The following ATE1 variants were observed in gnomAD, a reference collection of about 807,000 sequenced individuals.
The protein encoded by ATE1 is arginyltransferase 1.
Under a neutral mutation model 70.5 loss-of-function variants are expected in ATE1, and 36 were observed. The observed-to-expected ratio is 0.51, with a 90% CI of 0.39 to 0.67. The LOEUF is 0.67. Among genes scored for constraint, ATE1 ranks in the 30% least tolerant of loss-of-function variants. The probability of loss-of-function intolerance (pLI) is 0.00; values close to 1 mark genes in which losing one functional copy is unlikely to be tolerated. For missense variants in ATE1, 593 were observed against 629.5 expected, an observed-to-expected ratio of 0.94 and a Z score of 0.62; for synonymous variants, 232 against 219.3, an observed-to-expected ratio of 1.06 and a Z score of -0.51.
In ATE1 at chr10:121,886,144, C is replaced by T. The variant is rs1438452106; in HGVS notation, c.942+13722G>A. Reference sequence around the variant, plus strand: ...AGATTTTCACATAAGTGATACTCAACCTGTAGCACCAGCAGGTTCTCAGGT... The same window carrying T: ...AGATTTTCACATAAGTGATACTCAATCTGTAGCACCAGCAGGTTCTCAGGT... On this transcript the variant is annotated intron_variant, in intron 7 of 11. Transcript: ENST00000224652. Among the ~76,000 whole-genome samples the T allele has an allele frequency of 2.6e-5, 4 of 152,180 alleles. No homozygotes were observed. The East Asian group carries it at 7.7e-4, about 29-fold the overall frequency.
intron 9 of ATE1, among the ~76,000 whole-genome samples, chr10:121,837,409 G>A (rs2133757117): frequency 6.6e-6 from 1 of 152,278 alleles, no homozygotes; most frequent in East Asian, 1.9e-4. Context: ...GAAGTTGTCA[G>A]TCTCTCCACT....
At chr10:121,859,602 C>T (rs769079071) in intron 8 of ATE1, among the ~76,000 whole-genome samples, 12 of 152,028 alleles carry the variant, frequency 7.9e-5, no homozygotes, top group Non-Finnish European at 1.6e-4. Flanking sequence ...ATATTAAGGG[C>T]AAAAGTAAGA....
intron 3 of ATE1, among the ~76,000 whole-genome samples, chr10:121,920,880 G>A (rs1023825578): frequency 2.0e-4 from 30 of 151,962 alleles, no homozygotes; most frequent in Non-Finnish European, 3.7e-4. Context: ...TGTAATCCCA[G>A]CTACTCGGGA....
intron 8 of ATE1, among the ~76,000 whole-genome samples, chr10:121,858,772 A>G (rs1263394835): frequency 6.6e-6 from 1 of 150,784 alleles, no homozygotes; most frequent in Non-Finnish European, 1.5e-5. Flanking sequence ...CATCTTTGCC[A>G]CTTTAAAATG....
At chr10:121,875,649 T>C (rs932765726) in intron 7 of ATE1, among the ~76,000 whole-genome samples, 1 of 152,124 alleles carries the variant, frequency 6.6e-6, no homozygotes. Flanking sequence ...CCAAACCACC[T>C]TCCCCAGGTG....
At chr10:121,848,967 T>C (rs1186109566) in intron 8 of ATE1, among the ~76,000 whole-genome samples, 1 of 149,134 alleles carries the variant, frequency 6.7e-6, no homozygotes, top group African/African-American at 2.5e-5. Context: ...TCCCAGCACT[T>C]TGGGAGGCCG....
chr10:121,898,911 G>A, intron 7 of ATE1: 1 of 1,613,962 alleles, frequency 6.2e-7, no homozygotes, highest in Non-Finnish European at 8.5e-7. Context: ...CAAAGAAAAG[G>A]ACTGGCTGAA....
chr10:121,790,192 C>T lies in ATE1; in HGVS notation c.1355G>A (p.Arg452His), dbSNP rs1225196631. The T allele has an allele frequency of 1.2e-6, 2 of 1,613,874 alleles. No individual in the cohort carries two copies. Among genetic ancestry groups the T allele is most frequent in the East Asian group, 2.2e-5 (1 of 44,892 alleles). Residue 452 changes from arginine to histidine, a missense_variant, in exon 11 of 12, where the codon CGT becomes CAT. Physicochemically the swap from Arg to His is conservative, Grantham distance 29. This residue lies in a region of ATE1 where 90 missense variants were observed against 93.7 expected (regional missense o/e 0.96). Coordinates refer to ENST00000224652, the MANE Select transcript of ATE1 (RefSeq NM_001001976.3). ...ACCTGCTTCTGGGTCCTGGTTGAAA[C>T]GGCAGTACTTGGAGTTTTCAAGTGA... ...LPSLENSKYC[R>H]FNQDPEAVDE...
chr10:121,827,379 C>T (rs895292446), intron 10 of ATE1, among the ~76,000 whole-genome samples: 6 of 152,030 alleles, frequency 3.9e-5, no homozygotes, highest in East Asian at 1.9e-4. Context: ...TGCTGATGGC[C>T]CGCAATTCCT....
intron 8 of ATE1, among the ~76,000 whole-genome samples, chr10:121,848,056 G>C (rs1002979292): frequency 2.6e-5 from 4 of 152,038 alleles, no homozygotes; most frequent in African/African-American, 9.7e-5. Context: ...GGGCGACAGA[G>C]CAAGACTCCA....
chr10:121,806,069 CCAGA>C lies in ATE1; in HGVS notation c.1258-15784_1258-15781del, dbSNP rs1214311554. On this transcript the variant is annotated intron_variant, in intron 10 of 11. Transcript: ENST00000224652. ...ACTTAATAAAATTATAAAGAAACAACCAGACAAATTCAAATTACAGGAGACTAAA... is the reference window on the plus strand; with the variant it reads ...ACTTAATAAAATTATAAAGAAACAACCAAATTCAAATTACAGGAGACTAAA... Among the ~76,000 whole-genome samples the C allele has an allele frequency of 9.9e-5, 15 of 152,228 alleles. No homozygotes were observed. The East Asian group carries it at 2.7e-3, about 27-fold the overall frequency.
intron 10 of ATE1, among the ~76,000 whole-genome samples, chr10:121,831,945 A>G (rs1184663009): frequency 3.9e-5 from 6 of 152,200 alleles, no homozygotes; most frequent in Non-Finnish European, 8.8e-5. Context: ...ATCTATAGTG[A>G]CCATAAATTA....
chr10:121,762,310 C>T (rs1433690104), intron 11 of ATE1, among the ~76,000 whole-genome samples: 1 of 152,226 alleles, frequency 6.6e-6, no homozygotes, highest in African/African-American at 2.4e-5. Context: ...TTGCTCTACA[C>T]TTTCTCCCTA....
At chr10:121,761,216 T>A (rs1196450742) in intron 11 of ATE1, among the ~76,000 whole-genome samples, 1 of 152,186 alleles carries the variant, frequency 6.6e-6, no homozygotes, top group Non-Finnish European at 1.5e-5. Context: ...CCAAGCTTCA[T>A]GCACACCCTG....
intron 11 of ATE1, among the ~76,000 whole-genome samples, chr10:121,770,952 C>T (rs1008444969): frequency 1.4e-4 from 22 of 152,058 alleles, no homozygotes; most frequent in Admixed American, 1.2e-3. Context: ...CATGAGCGAA[C>T]GAAACCAAGG....
At chr10:121,882,094 C>A (rs748887522) in intron 7 of ATE1, among the ~76,000 whole-genome samples, 11 of 152,154 alleles carry the variant, frequency 7.2e-5, no homozygotes, top group Middle Eastern at 3.4e-3. Flanking sequence ...CCGTGCCCGG[C>A]CTACAGGTTT....
chr10:121,913,581 T>C (rs539499916), intron 4 of ATE1, among the ~76,000 whole-genome samples: 232 of 138,218 alleles, frequency 1.7e-3, no homozygotes, highest in Middle Eastern at 4.0e-3. Context: ...CTCAATATTC[T>C]TTCCACGCTA....
intron 10 of ATE1, among the ~76,000 whole-genome samples, chr10:121,813,037 C>T (rs571956083): frequency 5.3e-5 from 8 of 152,286 alleles, no homozygotes; most frequent in Non-Finnish European, 1.0e-4. Flanking sequence ...AAAACCTAGA[C>T]CTTATTAATC....
intron 8 of ATE1, among the ~76,000 whole-genome samples, chr10:121,856,301 G>C (rs1254177862): frequency 6.6e-6 from 1 of 151,854 alleles, no homozygotes. Context: ...AGGCCAAGGT[G>C]AGCAGATCAC....
Sources: gnomAD v4.1 joint callset for allele counts (sites outside exome capture counted in the v4.1 genomes callset) on GRCh38, gnomAD v4.1.1 for gene constraint, gnomAD v4.1.1 regional missense constraint, MANE v1.5 for transcripts, NCBI Gene and HGNC (gene_info 2026-07-23, HGNC 2026-07-21) for gene names.